Variants in TOP3B observed in about 807,000 individuals in gnomAD.
TOP3B encodes the protein DNA topoisomerase III beta, also known as DNA topoisomerase 3-beta-1.
Under a neutral mutation model 93.9 loss-of-function variants are expected in TOP3B, and 45 were observed. The ratio of observed to expected loss-of-function variants is 0.48; its 90% confidence interval spans 0.38 to 0.61. The LOEUF (loss-of-function observed/expected upper bound fraction) is 0.61. Among genes scored for constraint, TOP3B ranks in the 20% least tolerant of loss-of-function variants. The probability of loss-of-function intolerance (pLI) is 0.00; values close to 1 mark genes in which losing one functional copy is unlikely to be tolerated. For synonymous variants in TOP3B, 357 were observed against 472.6 expected, an observed-to-expected ratio of 0.76 and a Z score of 3.17; for missense variants, 750 against 1,156.1, an observed-to-expected ratio of 0.65 and a Z score of 5.09.
Position 21,970,834 on chromosome 22 carries a change from T to G in TOP3B, c.385-428A>C. 2.7e-6 allele frequency: 1 copy of G among 366,002 alleles called. No individual in the cohort carries two copies. Among genetic ancestry groups the G allele is most frequent in the South Asian group, 3.4e-5 (1 of 29,542 alleles). The allele number at this position is 366,002 out of a possible 1,614,324, so 22.7% of individuals were successfully genotyped here. A position where few individuals can be genotyped will look rare whatever the true frequency, so the allele number is the denominator to read the frequency against. On this transcript the variant is annotated intron_variant, in intron 5 of 17. Transcript: ENST00000357179. This position sits in a 1 kb window ranked among gnomAD's most constrained non-coding sequence, Gnocchi z 4.4. ...GGGTTTGGAGGGGTGGGTGGAAATT[T>G]TAAGAGGCTGAAGAAAAGACAGGGA...
chr22:21,977,729 A>G (rs2071939346), intron 1 of TOP3B: 1 of 152,188 alleles, frequency 6.6e-6, no homozygotes, highest in Non-Finnish European at 1.5e-5. Flanking sequence ...CTCTATGTGC[A>G]GCAATTCAGG....
At position 21,962,823 on chromosome 22, in the gene TOP3B, C is replaced by T. The variant is rs1278317161; in HGVS notation, c.1275G>A (p.Lys425=). ...TGAAGGAGATGGTGCTCTGCAGGTA[C>T]TTGCAGTCATGGCTGACCGTGGCGA... ...HFIATVSHDC[K]YLQSTISFRI... is the part of the protein sequence containing the mutation. The change falls in exon 12 of 18, where the codon AAG becomes AAA. Residue 425 remains lysine, a synonymous_variant. Transcript: ENST00000357179. 1 of 1,614,144 alleles carries T rather than the reference C, an allele frequency of 6.2e-7. No individual in the cohort carries two copies. The highest frequency in any genetic ancestry group is 8.5e-7 in the Non-Finnish European group (1 of 1,180,032).
chr22:21,960,187 G>T, intron 14 of TOP3B, 134 bp downstream of exon 14: 6 of 1,346,954 alleles, frequency 4.5e-6, no homozygotes, highest in Middle Eastern at 2.5e-4. Context: ...CCTTCAGCGG[G>T]TGTTGAGGGA....
At chr22:21,960,903 A>C (rs2071147679) in intron 13 of TOP3B, 1 of 166,736 alleles carries the variant, frequency 6.0e-6, no homozygotes, top group Admixed American at 5.7e-5. Flanking sequence ...AATTCTGTCC[A>C]CTTCCTGTCT....
chr22:21,971,762 G>T lies in TOP3B; in HGVS notation c.384+115C>A. ...GGGAGGGGAGAGGTGTTTTTAAACC[G>T]GTACAGTTTACTCCCTCCTTTGGCC... On this transcript the variant is annotated intron_variant, in intron 5 of 17. Transcript: ENST00000357179. This position sits in a 1 kb window ranked among gnomAD's most constrained non-coding sequence, Gnocchi z 4.6. The T allele has an allele frequency of 1.1e-6, 1 of 878,844 alleles. No homozygotes were observed. The highest frequency in any genetic ancestry group is 2.6e-5 in the East Asian group (1 of 39,152). The allele number at this position is 878,844 out of a possible 1,614,324, so 54.4% of individuals were successfully genotyped here.
intron 3 of TOP3B, 89 bp downstream of exon 3, chr22:21,974,268 C>T (rs1475261723): frequency 6.7e-7 from 1 of 1,492,908 alleles, no homozygotes; most frequent in Non-Finnish European, 9.0e-7. Flanking sequence ...ACAAACTTCC[C>T]TGCCTAGAGG....
chr22:21,970,530 T>C lies in TOP3B; in HGVS notation c.385-124A>G. The C allele has an allele frequency of 2.0e-6, 2 of 980,672 alleles. No homozygotes were observed. The highest frequency in any genetic ancestry group is 3.0e-6 in the Non-Finnish European group (2 of 670,244). 60.7% of individuals were successfully genotyped at this position (980,672 alleles called of 1,614,324 possible). A position where few individuals can be genotyped will look rare whatever the true frequency, so the allele number is the denominator to read the frequency against. ...TGTGCTCGGCTCCCTCTCCTGCCCC[T>C]GCCAGACCCTCCTCTATCCCCTTTC... is the stretch of plus-strand genomic sequence containing the variant. On this transcript the variant is annotated intron_variant, in intron 5 of 17. Transcript: ENST00000357179. This position sits in a 1 kb window ranked among gnomAD's most constrained non-coding sequence, Gnocchi z 4.4.
chr22:21,967,045 C>T (rs2071441426), intron 8 of TOP3B: 1 of 155,164 alleles, frequency 6.4e-6, no homozygotes, highest in African/African-American at 2.4e-5. Flanking sequence ...ATGTTTACTT[C>T]AATAGCCACA....
At chr22:21,972,573 G>C in intron 4 of TOP3B, 39 bp downstream of exon 4, 2 of 1,470,790 alleles carry the variant, frequency 1.4e-6, no homozygotes, top group Non-Finnish European at 1.9e-6. Flanking sequence ...GGAGGGTGGG[G>C]AGCCCCGGTG....
At chr22:21,958,837 C>A in intron 16 of TOP3B, 144 bp from the exon 17 acceptor site, 1 of 1,354,800 alleles carries the variant, frequency 7.4e-7, no homozygotes, top group Non-Finnish European at 9.7e-7. Flanking sequence ...GAGTCTCTGG[C>A]TCTTGCTCCA....
In TOP3B at chr22:21,963,607, A is replaced by C; in HGVS notation, c.1204+316T>G. The C allele has an allele frequency of 2.7e-6, 1 of 364,130 alleles. No homozygotes were observed. Among genetic ancestry groups the C allele is most frequent in the Non-Finnish European group, 5.1e-6 (1 of 197,376 alleles). 22.6% of individuals were successfully genotyped at this position (364,130 alleles called of 1,614,324 possible). ...TTCTCCTGGCACTCGGACCACTGGT[A>C]CCACCTTAGGCCAGCTGGGAGGTAG... is the stretch of plus-strand genomic sequence containing the variant. On this transcript the variant is annotated intron_variant, in intron 11 of 17. Transcript: ENST00000357179. The surrounding 1 kb of genome is among the most constrained non-coding windows in gnomAD (Gnocchi z 4.8).
intron 1 of TOP3B, among the ~76,000 whole-genome samples, chr22:21,978,309 G>A (rs1264905018): frequency 6.6e-6 from 1 of 152,096 alleles, no homozygotes; most frequent in East Asian, 1.9e-4. Context: ...CACCTGCCAT[G>A]GGCTCACACC....
intron 16 of TOP3B, 155 bp downstream of exon 16, chr22:21,958,977 G>A (rs1262004369): frequency 7.5e-6 from 9 of 1,192,240 alleles, no homozygotes; most frequent in Non-Finnish European, 9.2e-6. Context: ...TCTAGGGGAC[G>A]TGGGGACACT....
intron 14 of TOP3B, 89 bp from the exon 15 acceptor site, chr22:21,959,825 AC>A: frequency 6.5e-7 from 1 of 1,531,336 alleles, no homozygotes. Flanking sequence ...TGCCCTGTTC[AC>A]CCCTCCCGCT....
chr22:21,979,378 C>T (rs572095960), intron 1 of TOP3B, among the ~76,000 whole-genome samples: 26 of 152,044 alleles, frequency 1.7e-4, no homozygotes, highest in East Asian at 1.9e-4. Flanking sequence ...GGCATGCTGA[C>T]CCAGGGAGGG....
intron 15 of TOP3B, 118 bp from the exon 16 acceptor site, chr22:21,959,350 C>A: frequency 6.6e-7 from 1 of 1,523,514 alleles, no homozygotes; most frequent in Non-Finnish European, 8.8e-7. Flanking sequence ...TTTCTACTGT[C>A]CTGGCAGCAC....
At chr22:21,961,295 G>C (rs554411324) in intron 13 of TOP3B, 2 of 152,376 alleles carry the variant, frequency 1.3e-5, no homozygotes, top group African/African-American at 4.8e-5. Flanking sequence ...GCCATGACGC[G>C]TGGTGTGGGC....
chr22:21,978,804 C>CTGGGAGA (rs2084550949), intron 1 of TOP3B, among the ~76,000 whole-genome samples: 1 of 152,164 alleles, frequency 6.6e-6, no homozygotes, highest in Admixed American at 6.5e-5. Flanking sequence ...TCAACAAAAC[C>CTGGGAGA]TGGGAGATGG....
chr22:21,958,199 C>G, intron 17 of TOP3B: 2 of 1,301,306 alleles, frequency 1.5e-6, no homozygotes, highest in South Asian at 1.5e-5. Flanking sequence ...GGTCCCCCGA[C>G]TGCTGCATCC....
Sources: gnomAD v4.1 joint callset for allele counts (sites outside exome capture counted in the v4.1 genomes callset) on GRCh38, gnomAD v4.1.1 for gene constraint, Gnocchi (gnomAD v3.1) non-coding constraint, MANE v1.5 for transcripts, NCBI Gene and HGNC (gene_info 2026-07-23, HGNC 2026-07-21) for gene names.